Variants in ARHGAP20 observed in about 807,000 individuals in gnomAD.
The protein encoded by ARHGAP20 is Rho GTPase activating protein 20.
In ARHGAP20, 34 loss-of-function variants were observed where a neutral mutation model predicts 73.7. The ratio of observed to expected loss-of-function variants is 0.46; its 90% CI spans 0.35 to 0.61. The LOEUF (loss-of-function observed/expected upper bound fraction) is 0.61. Ranked by LOEUF, ARHGAP20 falls within the 20% of genes least tolerant of loss-of-function variation. The probability of loss-of-function intolerance (pLI) is 0.00; values close to 1 mark genes in which losing one functional copy is unlikely to be tolerated. For synonymous variants in ARHGAP20, 523 were observed against 518.2 expected, an observed-to-expected ratio of 1.01 and a Z score of -0.13; for missense variants, 1,314 against 1,420.9, an observed-to-expected ratio of 0.92 and a Z score of 1.21.
chr11:110,709,259 T>C (rs1210219533), intron 1 of ARHGAP20, among the ~76,000 whole-genome samples: 1 of 152,228 alleles, frequency 6.6e-6, no homozygotes, highest in East Asian at 1.9e-4. Flanking sequence ...GACCCTGCTC[T>C]GAGCCATAAA....
chr11:110,582,615 G>C (rs1947503714), intron 13 of ARHGAP20, among the ~76,000 whole-genome samples, 180 bp from the exon 14 acceptor site: 1 of 152,164 alleles, frequency 6.6e-6, no homozygotes, highest in Non-Finnish European at 1.5e-5. Context: ...AAAGTAGTTT[G>C]GGCATAGAAA....
At chr11:110,634,922 T>G (rs1168308690) in intron 2 of ARHGAP20, among the ~76,000 whole-genome samples, 1 of 146,622 alleles carries the variant, frequency 6.8e-6, no homozygotes, top group African/African-American at 2.6e-5. Flanking sequence ...GCAAAAGTCA[T>G]AATAATGACA....
chr11:110,620,046 G>A (rs756766299), intron 4 of ARHGAP20, among the ~76,000 whole-genome samples: 11 of 151,958 alleles, frequency 7.2e-5, no homozygotes, highest in South Asian at 2.1e-4. Context: ...TTTTGAGACC[G>A]AGTCTTGCTC....
chr11:110,606,426 T>A (rs906602286), intron 9 of ARHGAP20, 135 bp downstream of exon 9: 1 of 975,050 alleles, frequency 1.0e-6, no homozygotes, highest in African/African-American at 1.6e-5. Flanking sequence ...CATCTTCTTC[T>A]AAAAGTCCAT....
At chr11:110,654,016 C>G (rs1949414237) in intron 2 of ARHGAP20, among the ~76,000 whole-genome samples, 2 of 151,972 alleles carry the variant, frequency 1.3e-5, no homozygotes, top group South Asian at 4.2e-4. Context: ...AACACATGGA[C>G]ACAGGGAAGG....
At chr11:110,700,692 A>G (rs1410917284) in intron 1 of ARHGAP20, among the ~76,000 whole-genome samples, 1 of 150,574 alleles carries the variant, frequency 6.6e-6, no homozygotes, top group Non-Finnish European at 1.5e-5. Flanking sequence ...GCACCCACTA[A>G]CTTGTCATCT....
chr11:110,594,648 A>C (rs908422479), intron 9 of ARHGAP20, among the ~76,000 whole-genome samples: 17 of 152,152 alleles, frequency 1.1e-4, no homozygotes, highest in African/African-American at 3.9e-4. Flanking sequence ...ACAAAAACGG[A>C]AAAGGACCAA....
chr11:110,600,813 A>T (rs1398101070), intron 9 of ARHGAP20, among the ~76,000 whole-genome samples: 1 of 145,334 alleles, frequency 6.9e-6, no homozygotes, highest in Non-Finnish European at 1.5e-5. Context: ...CCCACTGGGG[A>T]TCAACCATTC....
At chr11:110,685,981 C>T (rs1182118648) in intron 2 of ARHGAP20, among the ~76,000 whole-genome samples, 1 of 152,084 alleles carries the variant, frequency 6.6e-6, no homozygotes, top group African/African-American at 2.4e-5. Context: ...GCTGTGTTAT[C>T]ATCTTGGACT....
chr11:110,592,172 C>T lies in ARHGAP20; in HGVS notation c.965-17G>A, dbSNP rs1947846037. 1 of 1,595,506 alleles carries T rather than the reference C, an allele frequency of 6.3e-7. No individual in the cohort carries two copies. The highest frequency in any genetic ancestry group is 8.6e-7 in the Non-Finnish European group (1 of 1,168,214). On this transcript the variant is annotated splice_polypyrimidine_tract_variant and intron_variant, in intron 9 of 14. Coordinates refer to ENST00000683387, the MANE Select transcript of ARHGAP20 (RefSeq NM_001384657.1). The stretch of plus-strand genomic sequence containing the variant: ...GACCTGAATCTAAGGAAGAAGTGAG[C>T]TTATTAGAAAAATGAGTTTCATTCA...
intron 1 of ARHGAP20, among the ~76,000 whole-genome samples, chr11:110,694,828 C>T (rs761455204): frequency 6.6e-6 from 1 of 151,584 alleles, no homozygotes; most frequent in Non-Finnish European, 1.5e-5. Context: ...ACAAACTATA[C>T]ACTCTATAAA....
At chr11:110,607,784 A>G (rs959507484) in intron 8 of ARHGAP20, among the ~76,000 whole-genome samples, 19 of 152,216 alleles carry the variant, frequency 1.2e-4, no homozygotes, top group African/African-American at 4.1e-4. Context: ...ATGATTAAGC[A>G]TTGCTGCTAA....
intron 2 of ARHGAP20, among the ~76,000 whole-genome samples, chr11:110,678,836 AT>A (rs989937246): frequency 4.3e-4 from 64 of 150,088 alleles, no homozygotes; most frequent in Non-Finnish European, 6.7e-4. Flanking sequence ...TAATTTTCAC[AT>A]TTTTTTTTGT....
At chr11:110,644,359 G>A (rs2134992806) in intron 2 of ARHGAP20, among the ~76,000 whole-genome samples, 1 of 152,182 alleles carries the variant, frequency 6.6e-6, no homozygotes, top group Admixed American at 6.5e-5. Context: ...GCAATCCTAA[G>A]TAATAAGAAC....
chr11:110,666,409 G>A (rs10891160), intron 2 of ARHGAP20, among the ~76,000 whole-genome samples: 43,660 of 151,958 alleles, frequency 0.29, 6,722 homozygotes, highest in African/African-American at 0.41. Context: ...TTTGAAAAAT[G>A]AAAACAAAGC....
rs771614734 is a variant in ARHGAP20 at position 110,580,358 on chromosome 11, A to G, written c.2588T>C (p.Ile863Thr). 2 of 1,614,214 alleles carry G rather than the reference A, an allele frequency of 1.2e-6. No homozygotes were observed. Among genetic ancestry groups the G allele is most frequent in the Admixed American group, 3.3e-5 (2 of 60,034 alleles). The change falls in exon 15 of 15, where the codon ATT (isoleucine) becomes ACT (threonine). Residue 863 changes from isoleucine (I) to threonine (T), a missense_variant. Physicochemically the swap from Ile to Thr is moderately conservative, Grantham distance 89. Transcript: ENST00000683387. ...GGTTTTATGTTGTTTCTTTGAATAA[A>G]TTCCCCTGAGATAGGTCAGCTTGCG... ...QNRKLTYLRG[I>T]YSKKQHKTSC...
intron 1 of ARHGAP20, among the ~76,000 whole-genome samples, chr11:110,706,891 T>C (rs572335362): frequency 6.6e-6 from 1 of 152,174 alleles, no homozygotes; most frequent in Non-Finnish European, 1.5e-5. Context: ...CAGATAAGAA[T>C]TGAGTAGGAT....
At chr11:110,689,118 C>T (rs1294351258) in intron 2 of ARHGAP20, among the ~76,000 whole-genome samples, 1 of 151,752 alleles carries the variant, frequency 6.6e-6, no homozygotes, top group African/African-American at 2.4e-5. Flanking sequence ...CCTGCCTCAG[C>T]CTCTAGAGTA....
At chr11:110,612,998 A>G (rs1211457039) in intron 6 of ARHGAP20, among the ~76,000 whole-genome samples, 4 of 152,218 alleles carry the variant, frequency 2.6e-5, no homozygotes, top group Admixed American at 6.5e-5. Context: ...GATTTTAAAA[A>G]AGTCTAAAAT....
Sources: allele counts gnomAD v4.1 joint callset (sites outside exome capture counted in the v4.1 genomes callset), GRCh38; gene constraint gnomAD v4.1.1; transcripts MANE v1.5; gene names NCBI Gene and HGNC (gene_info 2026-07-23, HGNC 2026-07-21).